SNTG1: variants seen among roughly 807,000 people sequenced by gnomAD.
SNTG1 encodes the protein syntrophin gamma 1, also known as gamma-1-syntrophin.
In SNTG1, 39 loss-of-function variants were observed where a neutral mutation model predicts 74.7. The ratio of observed to expected loss-of-function variants is 0.52; its 90% CI spans 0.40 to 0.68. The LOEUF (loss-of-function observed/expected upper bound fraction) is 0.68. Ranked by LOEUF, SNTG1 falls within the 30% of genes least tolerant of loss-of-function variation. The pLI is 0.00. For synonymous variants in SNTG1, 254 were observed against 217.1 expected, an observed-to-expected ratio of 1.17 and a Z score of -1.49; for missense variants, 685 against 609.5, an observed-to-expected ratio of 1.12 and a Z score of -1.30.
At chr8:50,103,538 C>T (rs935208471) in intron 1 of SNTG1, among the ~76,000 whole-genome samples, 12 of 152,076 alleles carry the variant, frequency 7.9e-5, no homozygotes, top group South Asian at 2.1e-4. Context: ...TTTTCGTAAT[C>T]GAATACCCTT....
chr8:50,726,857 AT>A (rs1272706332), intron 17 of SNTG1, among the ~76,000 whole-genome samples: 132 of 152,244 alleles, frequency 8.7e-4, no homozygotes, highest in Middle Eastern at 6.8e-3. Context: ...TCAAAAAACA[AT>A]AAAATAAAGT....
intron 17 of SNTG1, among the ~76,000 whole-genome samples, chr8:50,750,019 C>A (rs750429742): frequency 7.5e-4 from 114 of 151,918 alleles, no homozygotes; most frequent in Non-Finnish European, 1.5e-3. Context: ...TGGATCTTGG[C>A]AGTCAATTAA....
chr8:50,067,803 G>C (rs1821022706), intron 1 of SNTG1, among the ~76,000 whole-genome samples: 1 of 152,102 alleles, frequency 6.6e-6, no homozygotes, highest in Non-Finnish European at 1.5e-5. Flanking sequence ...CAGATGACCT[G>C]GAATGATGCA....
chr8:50,711,505 A>G (rs1268610217), intron 17 of SNTG1, among the ~76,000 whole-genome samples: 2 of 152,224 alleles, frequency 1.3e-5, no homozygotes, highest in African/African-American at 2.4e-5. Context: ...ATATAAAGCA[A>G]ATAGTGTATT....
In SNTG1 at chr8:50,734,745, G is replaced by GATATCTATATATATGGACATA. The variant is rs1563792165; in HGVS notation, c.1285-17256_1285-17255insATATCTATATATATGGACATA. Reference sequence around the variant, plus strand: ...ATTATATATCTATATATATGGACATGTATATAGATATCTATATATATGGAC... The same window carrying GATATCTATATATATGGACATA: ...ATTATATATCTATATATATGGACATGATATCTATATATATGGACATATATATAGATATCTATATATATGGAC... On this transcript the variant is annotated intron_variant, in intron 17 of 18. Transcript: ENST00000642720. Among the ~76,000 whole-genome samples the GATATCTATATATATGGACATA allele has an allele frequency of 3.3e-4, 24 of 72,544 alleles. 2 individuals are homozygous for GATATCTATATATATGGACATA. The highest frequency in any genetic ancestry group is 5.1e-4 in the African/African-American group (5 of 9,872). The allele number at this position is 72,544 out of a possible 152,430, so 47.6% of individuals were successfully genotyped here. A position where few individuals can be genotyped will look rare whatever the true frequency, so the allele number is the denominator to read the frequency against.
At chr8:50,129,772 A>C (rs1003656554) in intron 1 of SNTG1, among the ~76,000 whole-genome samples, 6 of 152,106 alleles carry the variant, frequency 3.9e-5, no homozygotes, top group Non-Finnish European at 8.8e-5. Flanking sequence ...CAAAGCTCAT[A>C]ATAAAACTAA....
In SNTG1 at chr8:50,043,170, T is replaced by A. The variant is rs372132085; in HGVS notation, c.-102-129391T>A. On this transcript the variant is annotated intron_variant, in intron 1 of 18. Coordinates refer to ENST00000642720, the MANE Select transcript of SNTG1 (RefSeq NM_018967.5). ...GCAAAATAATCATTTAGGGAGAACA[T>A]GTAAAAATACAAATTTTCTTTATCA... is the stretch of plus-strand genomic sequence containing the variant. Among the ~76,000 whole-genome samples the A allele has an allele frequency of 5.5e-4, 83 of 152,278 alleles. 2 individuals are homozygous for A. Among genetic ancestry groups the A allele is most frequent in the African/African-American group, 2.0e-3 (82 of 41,568 alleles).
At chr8:50,087,693 C>T (rs1255549342) in intron 1 of SNTG1, among the ~76,000 whole-genome samples, 2 of 151,950 alleles carry the variant, frequency 1.3e-5, no homozygotes, top group Non-Finnish European at 1.5e-5. Context: ...TGTTATTAAC[C>T]TTTAAATGTA....
rs552504427 is a variant in SNTG1, at chr8:50,509,368, C to T, written c.466+6488C>T. Among the ~76,000 whole-genome samples the T allele has an allele frequency of 2.8e-3, 427 of 152,258 alleles. 3 individuals carry two copies. Among genetic ancestry groups the T allele is most frequent in the African/African-American group, 9.9e-3 (411 of 41,552 alleles). On this transcript the variant is annotated intron_variant, in intron 9 of 18. Transcript: ENST00000642720. ...GTAGCGTGATGCCTCCAGCTTTGTT[C>T]TTTTGGCTTAGGATTGACTTGGCGA...
chr8:50,581,504 A>T (rs2094609555), intron 12 of SNTG1, among the ~76,000 whole-genome samples: 1 of 152,118 alleles, frequency 6.6e-6, no homozygotes, highest in South Asian at 2.1e-4. Flanking sequence ...TAATATAAGA[A>T]CTTCCTTTTA....
intron 18 of SNTG1, among the ~76,000 whole-genome samples, chr8:50,761,390 C>A (rs2095598421): frequency 6.6e-6 from 1 of 151,848 alleles, no homozygotes; most frequent in East Asian, 2.0e-4. Flanking sequence ...AGGACTCAGT[C>A]TTTTAGCTGG....
intron 1 of SNTG1, among the ~76,000 whole-genome samples, chr8:49,995,995 A>C (rs879426060): frequency 1.3e-5 from 2 of 152,326 alleles, no homozygotes; most frequent in South Asian, 2.1e-4. Flanking sequence ...AACTAGAAGG[A>C]AAAACTGCAA....
At chr8:50,149,749 A>G (rs1188364739) in intron 1 of SNTG1, among the ~76,000 whole-genome samples, 1 of 152,106 alleles carries the variant, frequency 6.6e-6, no homozygotes, top group African/African-American at 2.4e-5. Flanking sequence ...CCATTGGTCT[A>G]TATCTCTGTT....
intron 1 of SNTG1, among the ~76,000 whole-genome samples, chr8:49,936,283 CT>C (rs1237853669): frequency 6.6e-6 from 1 of 151,848 alleles, no homozygotes; most frequent in East Asian, 1.9e-4. Context: ...GAACATTTTC[CT>C]TTTTTTTAAT....
At chr8:50,014,773 T>C (rs1484813) in intron 1 of SNTG1, among the ~76,000 whole-genome samples, 126,446 of 152,108 alleles carry the variant, frequency 0.83, 52,761 homozygotes, top group East Asian at 0.96. Flanking sequence ...GACTTTAAAA[T>C]AGTAAAAAGA....
chr8:49,990,653 A>G (rs918959059), intron 1 of SNTG1, among the ~76,000 whole-genome samples: 2 of 152,126 alleles, frequency 1.3e-5, no homozygotes, highest in Non-Finnish European at 2.9e-5. Context: ...ATAAATAAAC[A>G]CCTATATTTA....
intron 1 of SNTG1, among the ~76,000 whole-genome samples, chr8:50,165,225 A>G (rs4873411): frequency 0.43 from 65,855 of 152,032 alleles, 17,986 homozygotes; most frequent in African/African-American, 0.78. Flanking sequence ...TTAACTTAAC[A>G]TTTAGTCTCC....
intron 8 of SNTG1, among the ~76,000 whole-genome samples, chr8:50,487,120 A>G (rs989361577): frequency 6.6e-6 from 1 of 152,312 alleles, no homozygotes; most frequent in South Asian, 2.1e-4. Flanking sequence ...GAGAAATGCA[A>G]ATCAAAACCA....
chr8:50,625,477 C>T (rs1018235475), intron 13 of SNTG1, among the ~76,000 whole-genome samples: 17 of 152,114 alleles, frequency 1.1e-4, no homozygotes, highest in Admixed American at 3.9e-4. Context: ...TAGCAAAACA[C>T]CCTGTAGAAC....
Sources: gnomAD v4.1 joint callset for allele counts (sites outside exome capture counted in the v4.1 genomes callset) on GRCh38, gnomAD v4.1.1 for gene constraint, MANE v1.5 for transcripts, NCBI Gene and HGNC (gene_info 2026-07-23, HGNC 2026-07-21) for gene names.